Variants in STT3B observed in about 807,000 individuals in gnomAD.
STT3B encodes STT3 oligosaccharyltransferase complex catalytic subunit B.
A neutral mutation model predicts 96.8 loss-of-function variants in STT3B; 29 were observed. The ratio of observed to expected loss-of-function variants is 0.30; its 90% CI spans 0.22 to 0.41. STT3B has a LOEUF of 0.41. STT3B is among the 10% of genes least tolerant of loss of function. The pLI is 1.00. For synonymous variants in STT3B, 367 were observed against 360.0 expected (o/e 1.02, Z -0.22); for missense variants, 640 against 1,022.3 (o/e 0.63, Z 5.10).
Position 31,533,067 on chromosome 3 carries a change from C to T in STT3B, c.69C>T (p.Leu23=), listed in dbSNP as rs2125430135. 4 of 1,566,772 alleles carry T rather than the reference C, an allele frequency of 2.6e-6. No individual in the cohort carries two copies. Among genetic ancestry groups the T allele is most frequent in the East Asian group, 2.6e-5 (1 of 37,924 alleles). ...SSLNSSPWSG[L]MALGNSRHGH... The stretch of plus-strand genomic sequence containing the variant: ...TCAACTCGTCCCCGTGGAGTGGCCT[C>T]ATGGCCCTGGGAAACAGCCGGCACG... Residue 23 remains leucine (L), a synonymous_variant, in exon 1 of 16, where the codon CTC becomes CTT. Transcript: ENST00000295770.
chr3:31,598,528 CACTCCTTAAAGTA>C (rs1559380587), intron 4 of STT3B, among the ~76,000 whole-genome samples: 1 of 152,130 alleles, frequency 6.6e-6, no homozygotes, highest in Admixed American at 6.5e-5. Flanking sequence ...GCTTTCATTT[CACTCCTTAAAGTA>C]AATGAAGGAA....
chr3:31,587,244 T>C lies in STT3B; in HGVS notation c.711+7148T>C, dbSNP rs1435240023. On this transcript the variant is annotated intron_variant, in intron 3 of 15. Transcript: ENST00000295770. ...AAGTTGTACCATTACCACTATCCAG[T>C]TACAGAACATTTTAACACTCCAAAA... 2.1e-5 allele frequency among the ~76,000 whole-genome samples: 3 copies of C among 143,292 alleles called. No homozygotes were observed. In the Admixed American group the frequency reaches 2.2e-4, roughly 11 times the overall value. The allele number at this position is 143,292 out of a possible 152,430, so 94.0% of individuals were successfully genotyped here.
intron 5 of STT3B, among the ~76,000 whole-genome samples, chr3:31,604,957 C>T (rs897593448): frequency 2.0e-5 from 3 of 151,864 alleles, no homozygotes; most frequent in African/African-American, 4.8e-5. Context: ...CCTCATGGGT[C>T]AAATAAAGAT....
chr3:31,602,935 G>C (rs1254687733), intron 5 of STT3B, among the ~76,000 whole-genome samples: 1 of 152,032 alleles, frequency 6.6e-6, no homozygotes, highest in Non-Finnish European at 1.5e-5. Context: ...AGCAAGTGTT[G>C]CTCTTCCTTC....
intron 5 of STT3B, among the ~76,000 whole-genome samples, chr3:31,604,706 G>T (rs554719434): frequency 4.7e-4 from 72 of 152,328 alleles, no homozygotes; most frequent in African/African-American, 1.7e-3. Flanking sequence ...GTGAAAATCA[G>T]TTTGGACTTT....
intron 1 of STT3B, among the ~76,000 whole-genome samples, chr3:31,548,917 A>C (rs1697482295): frequency 6.6e-6 from 1 of 152,214 alleles, no homozygotes; most frequent in African/African-American, 2.4e-5. Flanking sequence ...TGCTTACTAC[A>C]TTCTTTGATA....
At chr3:31,592,862 G>A (rs1698696842) in intron 3 of STT3B, among the ~76,000 whole-genome samples, 1 of 152,112 alleles carries the variant, frequency 6.6e-6, no homozygotes, top group South Asian at 2.1e-4. Flanking sequence ...AAAAATGAAG[G>A]GGAAAAAAGT....
At chr3:31,600,239 C>A in intron 4 of STT3B, 121 bp from the exon 5 acceptor site, 1 of 428,734 alleles carries the variant, frequency 2.3e-6, no homozygotes. Context: ...CTTATTTAAG[C>A]ATTTCTCAAA....
intron 3 of STT3B, among the ~76,000 whole-genome samples, chr3:31,594,503 C>G (rs1015280698): frequency 2.0e-5 from 3 of 151,638 alleles, no homozygotes; most frequent in Non-Finnish European, 4.4e-5. Flanking sequence ...GACCTCAGGT[C>G]ACTGCAACCT....
At position 31,636,049 on chromosome 3, in the gene STT3B, T is replaced by G. The variant is rs750180836; in HGVS notation, c.2466T>G (p.Ser822=). The change falls in exon 16 of 16, where the codon TCT becomes TCG. Residue 822 remains serine, a synonymous_variant. Transcript: ENST00000295770. ...KLVFKKGKKI[S]KKTV is the part of the protein sequence containing the mutation. The stretch of plus-strand genomic sequence containing the variant: ...TTTTTAAGAAAGGCAAGAAAATATC[T>G]AAGAAGACTGTTTAAATGCACTGTT... 6.2e-7 allele frequency: 1 copy of G among 1,608,406 alleles called. No individual in the cohort carries two copies. The highest frequency in any genetic ancestry group is 8.5e-7 in the Non-Finnish European group (1 of 1,177,172).
Position 31,611,339 on chromosome 3 carries a change from G to C in STT3B, c.878-3766G>C, listed in dbSNP as rs1699175479. Among the ~76,000 whole-genome samples the C allele has an allele frequency of 2.6e-5, 4 of 152,280 alleles. No homozygotes were observed. The South Asian group carries it at 8.3e-4, about 32-fold the overall frequency. On this transcript the variant is annotated intron_variant, in intron 5 of 15. Coordinates refer to ENST00000295770, the MANE Select transcript of STT3B (RefSeq NM_178862.3). ...CAATTTATCTGACTCTTAGAGGGTA[G>C]GATTGATCTTAATGGGATTTTCTGT...
chr3:31,635,902 T>C (rs779620620), intron 15 of STT3B, 82 bp from the exon 16 acceptor site: 113 of 947,140 alleles, frequency 1.2e-4, no homozygotes, highest in Middle Eastern at 2.9e-4. Context: ...GTCATCATAG[T>C]TCAGTAAACC....
In STT3B at chr3:31,576,419, A is replaced by G. The variant is rs775070958; in HGVS notation, c.338A>G (p.His113Arg). 49 of 1,601,386 alleles carry G rather than the reference A, an allele frequency of 3.1e-5. No individual in the cohort carries two copies. In the Middle Eastern group the frequency reaches 6.6e-4, roughly 22 times the overall value. ...DPWFNYRSTH[H>R]LASHGFYEFL... ...AGGTTTAACTATAGATCAACACATC[A>G]TCTTGCATCTCATGGGTTCTATGAA... Residue 113 changes from histidine (H) to arginine (R), a missense_variant, in exon 2 of 16, where the codon CAT becomes CGT. Coordinates refer to ENST00000295770, the MANE Select transcript of STT3B (RefSeq NM_178862.3).
At chr3:31,568,999 ACTTT>A (rs1224347263) in intron 1 of STT3B, among the ~76,000 whole-genome samples, 29 of 151,892 alleles carry the variant, frequency 1.9e-4, no homozygotes, top group East Asian at 1.9e-4. Context: ...TCTTTTCTTT[ACTTT>A]CTTTCTTTCT....
At chr3:31,568,022 C>T (rs1416116511) in intron 1 of STT3B, among the ~76,000 whole-genome samples, 1 of 151,856 alleles carries the variant, frequency 6.6e-6, no homozygotes, top group African/African-American at 2.4e-5. Flanking sequence ...CCTTCCCAGC[C>T]TCTGGTAATC....
intron 1 of STT3B, among the ~76,000 whole-genome samples, chr3:31,568,183 C>T (rs978564566): frequency 6.6e-6 from 1 of 152,120 alleles, no homozygotes; most frequent in Non-Finnish European, 1.5e-5. Context: ...TTGTAAATGA[C>T]TGAGTCTCAT....
At chr3:31,609,025 G>A (rs143089987) in intron 5 of STT3B, among the ~76,000 whole-genome samples, 1 of 152,298 alleles carries the variant, frequency 6.6e-6, no homozygotes, top group East Asian at 1.9e-4. Context: ...CGAGGCAGGA[G>A]AGTTGCTTGA....
intron 15 of STT3B, 43 bp from the exon 16 acceptor site, chr3:31,635,941 G>A (rs554206227): frequency 4.1e-6 from 6 of 1,458,952 alleles, no homozygotes; most frequent in Non-Finnish European, 5.7e-6. Context: ...TTTTTAATCA[G>A]TAAGAAACCT....
chr3:31,601,937 T>C (rs1332457798), intron 5 of STT3B, among the ~76,000 whole-genome samples: 1 of 152,194 alleles, frequency 6.6e-6, no homozygotes, highest in Non-Finnish European at 1.5e-5. Flanking sequence ...ATAACGGGGC[T>C]GAGGCTTGAA....
Sources: allele counts gnomAD v4.1 joint callset (sites outside exome capture counted in the v4.1 genomes callset), GRCh38; gene constraint gnomAD v4.1.1; transcripts MANE v1.5; gene names NCBI Gene and HGNC (gene_info 2026-07-23, HGNC 2026-07-21).